SLIT3: variants seen among roughly 807,000 people sequenced by gnomAD.
The protein encoded by SLIT3 is slit guidance ligand 3, also known as slit homolog 3 protein.
SLIT3 carries 68 observed loss-of-function variants against 184.0 expected under a neutral mutation model. The observed-to-expected ratio is 0.37, with a 90% CI of 0.30 to 0.45. The LOEUF is 0.45. SLIT3 is among the 20% of genes least tolerant of loss of function. The pLI, the probability that SLIT3 is intolerant of heterozygous loss-of-function variation, is 1.00. For synonymous variants in SLIT3, 831 were observed against 828.6 expected, an observed-to-expected ratio of 1.00 and a Z score of -0.05; for missense variants, 1,707 against 2,026.0, an observed-to-expected ratio of 0.84 and a Z score of 3.02.
intron 4 of SLIT3, among the ~76,000 whole-genome samples, chr5:168,890,157 A>G (rs1760392889): frequency 6.6e-6 from 1 of 150,736 alleles, no homozygotes; most frequent in Admixed American, 6.6e-5. Flanking sequence ...AAAAAAAAAA[A>G]AAGAGAGAGA....
At chr5:169,270,972 A>G (rs1174167487) in intron 1 of SLIT3, among the ~76,000 whole-genome samples, 1 of 152,222 alleles carries the variant, frequency 6.6e-6, no homozygotes, top group African/African-American at 2.4e-5. Context: ...TGCCTAGCTC[A>G]TAAGTGCTCC....
chr5:169,118,575 C>T (rs771355141), intron 4 of SLIT3, among the ~76,000 whole-genome samples: 12 of 152,180 alleles, frequency 7.9e-5, no homozygotes, highest in African/African-American at 2.4e-4. Flanking sequence ...CAGGAGAAAG[C>T]GGGCAAGGCA....
intron 4 of SLIT3, among the ~76,000 whole-genome samples, chr5:169,139,941 CTG>C (rs1203648909): frequency 3.9e-5 from 6 of 152,216 alleles, no homozygotes; most frequent in Admixed American, 3.3e-4. Context: ...AGCTCAGACA[CTG>C]TAAGTGCAGC....
intron 5 of SLIT3, among the ~76,000 whole-genome samples, chr5:168,846,057 A>G (rs1448832269): frequency 6.6e-6 from 1 of 152,240 alleles, no homozygotes; most frequent in African/African-American, 2.4e-5. Flanking sequence ...TAAAATTAAA[A>G]TACTATTATC....
At chr5:169,166,224 TC>T (rs1762634355) in intron 4 of SLIT3, among the ~76,000 whole-genome samples, 1 of 152,048 alleles carries the variant, frequency 6.6e-6, no homozygotes, top group Admixed American at 6.5e-5. Flanking sequence ...GACCAAAGAC[TC>T]CCCCCAAAGT....
At chr5:168,752,809 T>C in intron 18 of SLIT3, 146 bp downstream of exon 18, 1 of 746,410 alleles carries the variant, frequency 1.3e-6, no homozygotes, top group Non-Finnish European at 2.2e-6. Flanking sequence ...AGACGATGCC[T>C]GCCTGGCACA....
intron 8 of SLIT3, among the ~76,000 whole-genome samples, chr5:168,811,182 C>G (rs551626585): frequency 6.6e-5 from 10 of 152,114 alleles, no homozygotes; most frequent in African/African-American, 2.4e-4. Context: ...GGGGACTTGC[C>G]CAAGGACACA....
chr5:168,889,039 A>G (rs1168531199), intron 4 of SLIT3, among the ~76,000 whole-genome samples: 3 of 152,112 alleles, frequency 2.0e-5, no homozygotes, highest in Non-Finnish European at 4.4e-5. Context: ...CTGAACCCCA[A>G]CTTTCTAATA....
At chr5:168,889,745 T>C (rs55856457) in intron 4 of SLIT3, among the ~76,000 whole-genome samples, 2 of 152,134 alleles carry the variant, frequency 1.3e-5, no homozygotes, top group African/African-American at 4.8e-5. Context: ...AAGTGGATAG[T>C]CCTAAGTTTC....
intron 4 of SLIT3, chr5:169,017,815 C>G (rs565921038): frequency 1.3e-5 from 2 of 152,310 alleles, no homozygotes; most frequent in African/African-American, 2.4e-5. Context: ...TCTCCTAAGT[C>G]TTCTTTGGTT....
At chr5:168,967,477 T>A (rs1477483500) in intron 4 of SLIT3, among the ~76,000 whole-genome samples, 1 of 106,290 alleles carries the variant, frequency 9.4e-6, no homozygotes, top group African/African-American at 3.3e-5. Flanking sequence ...TCTCGCTCTG[T>A]CGCCCAGGCT....
intron 5 of SLIT3, among the ~76,000 whole-genome samples, chr5:168,869,409 G>A (rs1284471084): frequency 1.3e-5 from 2 of 152,146 alleles, no homozygotes; most frequent in Admixed American, 1.3e-4. Flanking sequence ...GTAATCACTA[G>A]GTTGTCACAA....
intron 5 of SLIT3, among the ~76,000 whole-genome samples, chr5:168,861,336 GCTTGGTAAGTCTATGACT>G: frequency 6.6e-6 from 1 of 151,288 alleles, no homozygotes; most frequent in South Asian, 2.1e-4. Flanking sequence ...GCCCTCTCTA[GCTTGGTAAGTCTATGACT>G]CTTGGTAGAG....
chr5:169,061,035 C>T (rs887219914), intron 4 of SLIT3, among the ~76,000 whole-genome samples: 4 of 152,184 alleles, frequency 2.6e-5, no homozygotes, highest in African/African-American at 9.7e-5. Context: ...CCCCGGTTTC[C>T]TTATTGCAAA....
intron 4 of SLIT3, among the ~76,000 whole-genome samples, chr5:168,949,558 C>T (rs933092609): frequency 1.3e-5 from 2 of 152,094 alleles, no homozygotes; most frequent in Non-Finnish European, 2.9e-5. Context: ...GACAAAAGAC[C>T]CAAAGAACAA....
intron 4 of SLIT3, among the ~76,000 whole-genome samples, chr5:169,076,829 T>G (rs1026258917): frequency 6.6e-6 from 1 of 152,112 alleles, no homozygotes; most frequent in Non-Finnish European, 1.5e-5. Context: ...GACTTGACAG[T>G]CAATCAAGTG....
At chr5:168,862,602 A>G (rs996862346) in intron 5 of SLIT3, among the ~76,000 whole-genome samples, 12 of 151,848 alleles carry the variant, frequency 7.9e-5, no homozygotes, top group Non-Finnish European at 1.2e-4. Context: ...CCCTCTCCCT[A>G]TTCATTTTTC....
chr5:169,220,363 T>A (rs1170185187), intron 3 of SLIT3, among the ~76,000 whole-genome samples: 1 of 151,058 alleles, frequency 6.6e-6, no homozygotes, highest in Admixed American at 6.6e-5. Flanking sequence ...AAAAAATCAA[T>A]GTAAGGAAAA....
chr5:168,744,233 G>A lies in SLIT3; in HGVS notation c.2270+4069C>T, dbSNP rs149498146. ...TAACCCAGGAGGTGGAGCTTGCAGT[G>A]AGCCGAGATTGCGCCACGGCACTCC... On this transcript the variant is annotated intron_variant, in intron 20 of 35. Coordinates refer to ENST00000519560, the MANE Select transcript of SLIT3 (RefSeq NM_003062.4). 9.8e-3 allele frequency among the ~76,000 whole-genome samples: 1,497 copies of A among 152,204 alleles called. 11 individuals carry two copies. The highest frequency in any genetic ancestry group is 0.031 in the Middle Eastern group (9 of 294).
Sources: allele counts gnomAD v4.1 joint callset (sites outside exome capture counted in the v4.1 genomes callset), GRCh38; gene constraint gnomAD v4.1.1; transcripts MANE v1.5; gene names NCBI Gene and HGNC (gene_info 2026-07-23, HGNC 2026-07-21).